The following CSMD1 variants were observed in gnomAD, a reference collection of about 807,000 sequenced individuals.
The protein encoded by CSMD1 is CUB and Sushi multiple domains 1.
A neutral mutation model predicts 417.5 loss-of-function variants in CSMD1; 213 were observed. The observed-to-expected ratio is 0.51, with a 90% confidence interval of 0.46 to 0.57. The LOEUF is 0.57. CSMD1 is among the 20% of genes least tolerant of loss of function. The pLI, the probability that CSMD1 is intolerant of heterozygous loss-of-function variation, is 0.00. For synonymous variants in CSMD1, 2,862 were observed against 1,736.8 expected (o/e 1.65, Z -16.11); for missense variants, 6,923 against 4,529.7 (o/e 1.53, Z -15.17).
intron 5 of CSMD1, among the ~76,000 whole-genome samples, chr8:3,854,855 T>G (rs1031957877): frequency 1.3e-5 from 2 of 152,162 alleles, no homozygotes; most frequent in Non-Finnish European, 2.9e-5. Context: ...TTAAATCAAT[T>G]CTAATCCATT....
chr8:3,255,536 GC>G (rs1800587731), intron 26 of CSMD1, among the ~76,000 whole-genome samples: 1 of 152,206 alleles, frequency 6.6e-6, no homozygotes, highest in African/African-American at 2.4e-5. Context: ...CTTCCCACCT[GC>G]TTTGTTTACC....
intron 54 of CSMD1, among the ~76,000 whole-genome samples, chr8:2,985,026 C>T (rs1366098855): frequency 6.6e-6 from 1 of 152,168 alleles, no homozygotes; most frequent in Non-Finnish European, 1.5e-5. Flanking sequence ...TGGAACAAAT[C>T]AGACCTGAGC....
intron 6 of CSMD1, among the ~76,000 whole-genome samples, chr8:3,729,182 C>G (rs1216825105): frequency 6.6e-6 from 1 of 152,188 alleles, no homozygotes; most frequent in Non-Finnish European, 1.5e-5. Context: ...AGACTTACTG[C>G]CACGCAATAA....
chr8:4,547,698 A>T (rs1399609842), intron 2 of CSMD1, among the ~76,000 whole-genome samples: 1 of 152,234 alleles, frequency 6.6e-6, no homozygotes, highest in Non-Finnish European at 1.5e-5. Context: ...TAAATTAAAA[A>T]GTCTCTTATC....
intron 10 of CSMD1, among the ~76,000 whole-genome samples, chr8:3,563,170 T>A (rs1799543549): frequency 6.6e-6 from 1 of 152,122 alleles, no homozygotes; most frequent in East Asian, 1.9e-4. Flanking sequence ...TGGCACTGTG[T>A]GACTACGTTT....
At chr8:3,601,175 G>C (rs1049520922) in intron 8 of CSMD1, among the ~76,000 whole-genome samples, 1 of 152,156 alleles carries the variant, frequency 6.6e-6, no homozygotes. Flanking sequence ...GCATCATTGT[G>C]TCCGTGGGAT....
intron 1 of CSMD1, among the ~76,000 whole-genome samples, chr8:4,726,743 G>C (rs1399614137): frequency 2.0e-5 from 3 of 152,118 alleles, no homozygotes; most frequent in Non-Finnish European, 4.4e-5. Context: ...AGCATGGGCT[G>C]GGTTATGACT....
intron 2 of CSMD1, among the ~76,000 whole-genome samples, chr8:4,603,779 G>A (rs1453637559): frequency 1.3e-5 from 2 of 152,102 alleles, no homozygotes; most frequent in Non-Finnish European, 2.9e-5. Flanking sequence ...GGAGAAGTTG[G>A]AATGAAACAC....
rs559173573 is a variant in CSMD1 at position 4,125,294 on chromosome 8, G to A, written c.416-93195C>T. On this transcript the variant is annotated intron_variant, in intron 3 of 69. Transcript: ENST00000635120. ...TGCTCACTGAGATAAATGCGAATCT[G>A]ACTGGCTTCTTTGGAAAAGCTAATT... 2.0e-5 allele frequency among the ~76,000 whole-genome samples: 3 copies of A among 152,310 alleles called. No homozygotes were observed. The East Asian group carries it at 5.8e-4, about 29-fold the overall frequency.
At chr8:4,071,826 T>TG (rs1191014482) in intron 3 of CSMD1, among the ~76,000 whole-genome samples, 3 of 151,596 alleles carry the variant, frequency 2.0e-5, no homozygotes, top group Non-Finnish European at 2.9e-5. Flanking sequence ...CTTCCTGTTG[T>TG]GGGGGGGTGG....
At position 4,946,298 on chromosome 8, in the gene CSMD1, C is replaced by T. The variant is rs113225187; in HGVS notation, c.85+48034G>A. ...AAGAAAGCTTTTTCCCAAAACTAAC[C>T]TCAATCAATTAATATGACTAACTGA... On this transcript the variant is annotated intron_variant, in intron 1 of 69. Coordinates refer to ENST00000635120, the MANE Select transcript of CSMD1 (RefSeq NM_033225.6). Among the ~76,000 whole-genome samples the T allele has an allele frequency of 4.8e-3, 733 of 152,244 alleles. 6 individuals are homozygous for T. The highest frequency in any genetic ancestry group is 0.016 in the African/African-American group (679 of 41,550).
intron 2 of CSMD1, among the ~76,000 whole-genome samples, chr8:4,448,114 T>C (rs1209166510): frequency 6.6e-6 from 1 of 152,224 alleles, no homozygotes. Flanking sequence ...TCTTGATCTC[T>C]TCCTAGTTCT....
chr8:4,036,363 T>C (rs1294802595), intron 3 of CSMD1, among the ~76,000 whole-genome samples: 1 of 152,150 alleles, frequency 6.6e-6, no homozygotes. Context: ...ATTGTTACCA[T>C]GGTACTGCGC....
rs983222198 is a variant in CSMD1 at position 4,736,442 on chromosome 8, G to C, written c.86-98884C>G. On this transcript the variant is annotated intron_variant, in intron 1 of 69. Transcript: ENST00000635120. ...GTGAATGAATTTGCATGAACAGAGA[G>C]AAGCAGCAGGCCCCTCAGGTGGGCA... Among the ~76,000 whole-genome samples, 19 of 152,242 alleles carry C rather than the reference G, an allele frequency of 1.2e-4. No individual in the cohort carries two copies. The South Asian group carries it at 2.1e-3, about 17-fold the overall frequency.
At chr8:4,181,357 T>G (rs992062995) in intron 3 of CSMD1, among the ~76,000 whole-genome samples, 7 of 138,302 alleles carry the variant, frequency 5.1e-5, no homozygotes, top group Admixed American at 7.0e-5. Flanking sequence ...GGTTTCTCAT[T>G]TATTTATTTA....
intron 10 of CSMD1, among the ~76,000 whole-genome samples, chr8:3,512,086 G>T (rs1282593724): frequency 6.6e-6 from 1 of 152,118 alleles, no homozygotes; most frequent in Non-Finnish European, 1.5e-5. Context: ...TTTACTCTGT[G>T]ATTTGACCTC....
chr8:4,663,007 G>C (rs758877863), intron 1 of CSMD1, among the ~76,000 whole-genome samples: 1 of 152,168 alleles, frequency 6.6e-6, no homozygotes, highest in Non-Finnish European at 1.5e-5. Context: ...CTTTTGTTTT[G>C]TTTTGATTTC....
intron 6 of CSMD1, among the ~76,000 whole-genome samples, chr8:3,726,424 G>C (rs1019885088): frequency 3.3e-5 from 5 of 152,236 alleles, no homozygotes; most frequent in Admixed American, 6.5e-5. Context: ...GATGGAATGA[G>C]ATTGGTGACA....
chr8:4,865,660 T>C lies in CSMD1; in HGVS notation c.85+128672A>G, dbSNP rs116651234. ...ACAATGCACTTCAATTTTGCATTTT[T>C]ATTTTTATAATCATTGGGAGGGGTA... On this transcript the variant is annotated intron_variant, in intron 1 of 69. Coordinates refer to ENST00000635120, the MANE Select transcript of CSMD1 (RefSeq NM_033225.6). Among the ~76,000 whole-genome samples the C allele has an allele frequency of 3.0e-3, 449 of 152,030 alleles. 6 individuals carry two copies. The highest frequency in any genetic ancestry group is 0.01 in the African/African-American group (418 of 41,486).
Sources: gnomAD v4.1 joint callset for allele counts (sites outside exome capture counted in the v4.1 genomes callset) on GRCh38, gnomAD v4.1.1 for gene constraint, MANE v1.5 for transcripts, NCBI Gene and HGNC (gene_info 2026-07-23, HGNC 2026-07-21) for gene names.